Variants in ADRA1A observed in about 807,000 individuals in gnomAD.
The protein encoded by ADRA1A is adrenoceptor alpha 1A.
ADRA1A carries 31 observed loss-of-function variants against 29.6 expected under a neutral mutation model. The observed-to-expected ratio is 1.05, with a 90% CI of 0.79 to 1.41. ADRA1A has a LOEUF of 1.41. Ranked by LOEUF, ADRA1A falls within the 40% of genes most tolerant of loss-of-function variation. The pLI is 0.00. For synonymous variants in ADRA1A, 311 were observed against 254.3 expected (o/e 1.22, Z -2.12); for missense variants, 619 against 601.1 (o/e 1.03, Z -0.31).
At chr8:26,776,294 A>G (rs1010803273) in intron 2 of ADRA1A, among the ~76,000 whole-genome samples, 6 of 152,228 alleles carry the variant, frequency 3.9e-5, no homozygotes, top group Admixed American at 2.6e-4. Context: ...GTGACTTGAT[A>G]TGGAAGCTGA....
intron 2 of ADRA1A, among the ~76,000 whole-genome samples, chr8:26,782,718 T>C (rs1326553252): frequency 2.0e-5 from 3 of 152,130 alleles, no homozygotes; most frequent in Non-Finnish European, 4.4e-5. Flanking sequence ...GACTTGCAAA[T>C]CTCTATGCCT....
chr8:26,842,670 T>C (rs1585813552), intron 2 of ADRA1A, among the ~76,000 whole-genome samples: 1 of 152,146 alleles, frequency 6.6e-6, no homozygotes, highest in Non-Finnish European at 1.5e-5. Context: ...CAATGTTGCT[T>C]CCCTGCCTCA....
At chr8:26,762,011 C>T (rs1002763777), downstream of ADRA1A, among the ~76,000 whole-genome samples, 3 of 152,122 alleles carry the variant, frequency 2.0e-5, no homozygotes, top group Admixed American at 6.5e-5. This position sits in a 1 kb window ranked among gnomAD's most constrained non-coding sequence, Gnocchi z 4.0. Context: ...ACCAGGTTTA[C>T]TTTATGGGAT....
Position 26,866,847 on chromosome 8 carries a change from G to T in ADRA1A, c.-687+89C>A. ...TGGTGGAAAAAGCGGGAGGCGCTGG[G>T]AAAAGTGGGGGTTCCGTCTCACCAG... is the stretch of plus-strand genomic sequence containing the variant. On this transcript the variant is annotated intron_variant, in intron 1 of 2. Coordinates refer to ENST00000380573, the MANE Select transcript of ADRA1A (RefSeq NM_000680.4). The surrounding 1 kb of genome is among the most constrained non-coding windows in gnomAD (Gnocchi z 5.7). 1.0e-6 allele frequency: 1 copy of T among 985,388 alleles called. No homozygotes were observed. Among genetic ancestry groups the T allele is most frequent in the Non-Finnish European group, 1.2e-6 (1 of 829,950 alleles). 61.0% of individuals were successfully genotyped at this position (985,388 alleles called of 1,614,324 possible).
In ADRA1A at chr8:26,770,590, G is replaced by A; in HGVS notation, c.960C>T (p.Cys320=). The change falls in exon 3 of 3, where the codon TGC becomes TGT. Residue 320 remains cysteine (C), a synonymous_variant. Coordinates refer to ENST00000380573, the MANE Select transcript of ADRA1A (RefSeq NM_000680.4). ...AGCATGGGTATATGATGGGGTTGAT[G>A]CAGCTGTTTAGATATCCGAGCCAAA... ...IVFWLGYLNS[C]INPIIYPCSS... is the part of the protein sequence containing the mutation. 1.9e-6 allele frequency: 3 copies of A among 1,614,228 alleles called. No homozygotes were observed. Among genetic ancestry groups the A allele is most frequent in the East Asian group, 2.2e-5 (1 of 44,894 alleles).
downstream of ADRA1A, among the ~76,000 whole-genome samples, chr8:26,764,307 T>A (rs1475636205): frequency 6.6e-6 from 1 of 152,172 alleles, no homozygotes; most frequent in Non-Finnish European, 1.5e-5. Context: ...CTGCCCTGCC[T>A]ATTTCCTTGG....
chr8:26,816,603 C>T (rs371411465), intron 2 of ADRA1A, among the ~76,000 whole-genome samples: 4 of 151,970 alleles, frequency 2.6e-5, no homozygotes, highest in Admixed American at 1.3e-4. Context: ...CATGTGCACA[C>T]GCCTAACACA....
At chr8:26,789,940 AAG>A in intron 2 of ADRA1A, among the ~76,000 whole-genome samples, 1 of 152,334 alleles carries the variant, frequency 6.6e-6, no homozygotes, top group South Asian at 2.1e-4. Flanking sequence ...CTTCATCAAA[AAG>A]AAAAAACATA....
rs1248434743 is a variant in ADRA1A at position 26,805,973 on chromosome 8, C to G, written c.884-35307G>C. Among the ~76,000 whole-genome samples the G allele has an allele frequency of 6.6e-6, 1 of 152,196 alleles. No homozygotes were observed. The highest frequency in any genetic ancestry group is 1.5e-5 in the Non-Finnish European group (1 of 68,040). ...GGTGCAGGCCCCCTCCACACCCACT[C>G]TGGAAAGCTGAGGGTTGTGGCTGGT... On this transcript the variant is annotated intron_variant, in intron 2 of 2. Coordinates refer to ENST00000380573, the MANE Select transcript of ADRA1A (RefSeq NM_000680.4). The surrounding 1 kb of genome is among the most constrained non-coding windows in gnomAD (Gnocchi z 4.8).
intron 2 of ADRA1A, among the ~76,000 whole-genome samples, chr8:26,845,685 AT>A (rs541336772): frequency 1.9e-4 from 29 of 152,260 alleles, no homozygotes; most frequent in Non-Finnish European, 4.0e-4. Context: ...AATAACTTAA[AT>A]GACCCTCAAT....
intron 2 of ADRA1A, chr8:26,854,315 C>T (rs1056538372): frequency 2.6e-5 from 4 of 151,824 alleles, no homozygotes; most frequent in Admixed American, 2.0e-4. Flanking sequence ...ATCACTTGAA[C>T]CCAGGGTTCT....
intron 2 of ADRA1A, among the ~76,000 whole-genome samples, chr8:26,852,926 T>C (rs1170588004): frequency 2.0e-5 from 3 of 152,150 alleles, no homozygotes; most frequent in Admixed American, 2.0e-4. Flanking sequence ...AAATATTTCC[T>C]GTGATACAGC....
Position 26,770,011 on chromosome 8 carries a change from G to A in ADRA1A, c.*138C>T. On this transcript the variant is annotated 3_prime_UTR_variant, in exon 3 of 3. Coordinates refer to ENST00000380573, the MANE Select transcript of ADRA1A (RefSeq NM_000680.4). ...GCCCTACCCGCTGCCTGATGAGTTGGGTCTACCACCCACCCCATTCCCAGC... is the reference window on the plus strand; with the variant it reads ...GCCCTACCCGCTGCCTGATGAGTTGAGTCTACCACCCACCCCATTCCCAGC... The A allele has an allele frequency of 2.7e-6, 4 of 1,458,530 alleles. No individual in the cohort carries two copies. The highest frequency in any genetic ancestry group is 3.6e-6 in the Non-Finnish European group (4 of 1,109,594). 90.3% of individuals were successfully genotyped at this position (1,458,530 alleles called of 1,614,324 possible).
chr8:26,793,410 A>AT (rs2130436034), intron 2 of ADRA1A, among the ~76,000 whole-genome samples: 1 of 152,116 alleles, frequency 6.6e-6, no homozygotes, highest in African/African-American at 2.4e-5. Context: ...TATTTAAACA[A>AT]GAAAGACACA....
chr8:26,795,371 G>A (rs1250406777), intron 2 of ADRA1A, among the ~76,000 whole-genome samples: 1 of 152,104 alleles, frequency 6.6e-6, no homozygotes, highest in Non-Finnish European at 1.5e-5. Context: ...GATGCTGGGG[G>A]AAAATAAACC....
intron 2 of ADRA1A, among the ~76,000 whole-genome samples, chr8:26,850,270 CAAAG>C (rs1286646150): frequency 6.6e-6 from 1 of 151,912 alleles, no homozygotes; most frequent in African/African-American, 2.4e-5. Flanking sequence ...AATAAATACA[CAAAG>C]AGAGTACTTG....
chr8:26,813,489 T>TATCCATCC lies in ADRA1A; in HGVS notation c.884-42831_884-42824dup, dbSNP rs35199156. On this transcript the variant is annotated intron_variant, in intron 2 of 2. Coordinates refer to ENST00000380573, the MANE Select transcript of ADRA1A (RefSeq NM_000680.4). ...AAGGGATCTTAATTCCTCTTGCATC[T>TATCCATCC]ATCCATCCATCCATCCATCCATCCA... Among the ~76,000 whole-genome samples the TATCCATCC allele has an allele frequency of 2.9e-3, 441 of 149,932 alleles. 5 individuals are homozygous for TATCCATCC. The highest frequency in any genetic ancestry group is 5.3e-3 in the African/African-American group (215 of 40,348).
intron 2 of ADRA1A, among the ~76,000 whole-genome samples, chr8:26,793,508 C>A (rs1013878926): frequency 2.0e-5 from 3 of 151,828 alleles, no homozygotes; most frequent in African/African-American, 7.2e-5. Context: ...AATTAAAAAG[C>A]AGAAAATCAT....
chr8:26,767,787 C>T (rs1371274552), downstream of ADRA1A, among the ~76,000 whole-genome samples: 1 of 152,204 alleles, frequency 6.6e-6, no homozygotes, highest in African/African-American at 2.4e-5. Flanking sequence ...TGTTGGGACG[C>T]TCTTCCTGTA....
Sources: gnomAD v4.1 joint callset for allele counts (sites outside exome capture counted in the v4.1 genomes callset) on GRCh38, gnomAD v4.1.1 for gene constraint, Gnocchi (gnomAD v3.1) non-coding constraint, MANE v1.5 for transcripts, NCBI Gene and HGNC (gene_info 2026-07-23, HGNC 2026-07-21) for gene names.